Variants in RAI2 observed in about 807,000 individuals in gnomAD.
RAI2 encodes the protein retinoic acid-induced protein 2.
RAI2 carries 5 observed loss-of-function variants against 15.3 expected under a neutral mutation model. The observed-to-expected ratio is 0.33, with a 90% confidence interval of 0.17 to 0.69. RAI2 has a LOEUF of 0.69. Ranked by LOEUF, RAI2 falls within the 30% of genes least tolerant of loss-of-function variation. The pLI is 0.69. For synonymous variants in RAI2, 191 were observed against 184.0 expected, an observed-to-expected ratio of 1.04 and a Z score of -0.31; for missense variants, 424 against 424.7, an observed-to-expected ratio of 1.00 and a Z score of 0.01.
intron 1 of RAI2, 35 bp downstream of exon 1, chrX:17,861,063 G>A (rs1207180418): frequency 9.4e-6 from 1 of 106,671 alleles, no homozygotes. Context: ...GGGCGGGGGT[G>A]ACCCCGGCCC....
At chrX:17,808,001 G>A (rs182842899) in intron 1 of RAI2, among the ~76,000 whole-genome samples, 2 of 112,116 alleles carry the variant, frequency 1.8e-5, no homozygotes, top group East Asian at 2.8e-4. Context: ...TCCAACTGGC[G>A]GCCCAAGGGT....
chrX:17,821,263 TGTAGGTCTGTCGCTGGACTTTCCA>T (rs2067162059), intron 1 of RAI2, among the ~76,000 whole-genome samples: 1 of 111,723 alleles, frequency 9.0e-6, no homozygotes, highest in African/African-American at 3.3e-5. Flanking sequence ...CTCAACAACA[TGTAGGTCTGTCGCTGGACTTTCCA>T]GTCTATTTCA....
chrX:17,835,228 C>T (rs2067321403), intron 1 of RAI2, among the ~76,000 whole-genome samples: 1 of 112,265 alleles, frequency 8.9e-6, no homozygotes. Flanking sequence ...ACAGTGGATG[C>T]TTCTAATTCT....
chrX:17,846,563 C>A (rs1384765041), intron 1 of RAI2, among the ~76,000 whole-genome samples: 1 of 112,036 alleles, frequency 8.9e-6, no homozygotes, highest in Non-Finnish European at 1.9e-5. Flanking sequence ...GTTTTTGTCC[C>A]CAGAATGGCT....
In RAI2 at chrX:17,822,707, C is replaced by T. The variant is rs190668826; in HGVS notation, c.-24-20673G>A. On this transcript the variant is annotated intron_variant, in intron 1 of 1. Coordinates refer to ENST00000451717, the MANE Select transcript of RAI2 (RefSeq NM_021785.6). ...ATGGCTAGGCTTTTCTCAGTCTCTC[C>T]TTTTTCTTATGAGGACAATTCTAAA... Among the ~76,000 whole-genome samples the T allele has an allele frequency of 1.8e-3, 198 of 112,537 alleles. 1 individual carries two copies. The highest frequency in any genetic ancestry group is 5.9e-3 in the African/African-American group (184 of 30,989).
Position 17,844,051 on chromosome X carries a change from G to A in RAI2, c.-25+17047C>T, listed in dbSNP as rs563110371. 1.9e-4 allele frequency among the ~76,000 whole-genome samples: 21 copies of A among 111,990 alleles called. No individual in the cohort carries two copies. In the South Asian group the frequency reaches 7.2e-3, roughly 39 times the overall value. ...CAGCTTGGCGAGTATTCAATCACTCGGCACTCCACAGCCCAGGAGAACAAA... is the reference window on the plus strand; with the variant it reads ...CAGCTTGGCGAGTATTCAATCACTCAGCACTCCACAGCCCAGGAGAACAAA... On this transcript the variant is annotated intron_variant, in intron 1 of 1. Transcript: ENST00000451717.
intron 1 of RAI2, among the ~76,000 whole-genome samples, chrX:17,846,607 C>A (rs2067460998): frequency 8.9e-6 from 1 of 111,884 alleles, no homozygotes; most frequent in Non-Finnish European, 1.9e-5. Flanking sequence ...AATTTGTTTT[C>A]ATTGCATTTC....
intron 1 of RAI2, among the ~76,000 whole-genome samples, chrX:17,836,220 T>G (rs953724063): frequency 8.9e-6 from 1 of 111,741 alleles, no homozygotes; most frequent in Non-Finnish European, 1.9e-5. Flanking sequence ...TCTGCCCTCA[T>G]TGTAGCTTGA....
In RAI2 at chrX:17,854,519, C is replaced by T. The variant is rs148090329; in HGVS notation, c.-25+6579G>A. Among the ~76,000 whole-genome samples, 11 of 111,976 alleles carry T rather than the reference C, an allele frequency of 9.8e-5. No individual in the cohort carries two copies. The East Asian group carries it at 2.2e-3, about 23-fold the overall frequency. On this transcript the variant is annotated intron_variant, in intron 1 of 1. Coordinates refer to ENST00000451717, the MANE Select transcript of RAI2 (RefSeq NM_021785.6). ...GCCTGGAGCTTCCAGGCTTAAAGCA[C>T]GAAGGAAAGAATGGCTGACAGCTAC... is the stretch of plus-strand genomic sequence containing the variant.
At chrX:17,839,051 CATT>C (rs1173157905) in intron 1 of RAI2, among the ~76,000 whole-genome samples, 1 of 112,076 alleles carries the variant, frequency 8.9e-6, no homozygotes, top group Non-Finnish European at 1.9e-5. Context: ...TCATCATCAT[CATT>C]CCAGAAACAT....
chrX:17,821,105 G>A (rs1044206668), intron 1 of RAI2, among the ~76,000 whole-genome samples: 8 of 111,826 alleles, frequency 7.2e-5, no homozygotes, highest in African/African-American at 1.6e-4. Context: ...TTTTGGATCC[G>A]AAGTGTACCG....
At position 17,800,580 on chromosome X, in the gene RAI2, G is replaced by T; in HGVS notation, c.1431C>A (p.Gly477=). Residue 477 remains glycine (G), a synonymous_variant, in exon 2 of 2, where the codon GGC becomes GGA. Coordinates refer to ENST00000451717, the MANE Select transcript of RAI2 (RefSeq NM_021785.6). ...CTTCCCCTTGGCTGTTGATGTCATA[G>T]CCCTGAAGCACGGAGTCTTCTCTTT... ...SFKREDSVLQ[G]YDINSQGEES... 1 of 1,211,172 alleles carries T rather than the reference G, an allele frequency of 8.3e-7. No homozygotes were observed. The highest frequency in any genetic ancestry group is 1.1e-6 in the Non-Finnish European group (1 of 895,153).
At chrX:17,833,583 G>C (rs1315295691) in intron 1 of RAI2, among the ~76,000 whole-genome samples, 5 of 111,593 alleles carry the variant, frequency 4.5e-5, no homozygotes, top group African/African-American at 6.5e-5. Flanking sequence ...TTAGAAGTCA[G>C]AGTAGTGGTT....
rs1296151841 is a variant in RAI2, at chrX:17,802,016, A to G, written c.-6T>C. 2.5e-6 allele frequency: 3 copies of G among 1,185,119 alleles called. No homozygotes were observed. Among genetic ancestry groups the G allele is most frequent in the Admixed American group, 2.3e-5 (1 of 44,031 alleles). On this transcript the variant is annotated 5_prime_UTR_variant, in exon 2 of 2. Transcript: ENST00000451717. ...TGGGACTGCAGGTCGTCCATCACTCAGCTCTGATGCCACTTGGCCTGCAAC... is the reference window on the plus strand; with the variant it reads ...TGGGACTGCAGGTCGTCCATCACTCGGCTCTGATGCCACTTGGCCTGCAAC...
Position 17,812,473 on chromosome X carries a change from G to A in RAI2, c.-24-10439C>T, listed in dbSNP as rs147535914. On this transcript the variant is annotated intron_variant, in intron 1 of 1. Coordinates refer to ENST00000451717, the MANE Select transcript of RAI2 (RefSeq NM_021785.6). The stretch of plus-strand genomic sequence containing the variant: ...CCAATGTTAGAAATTAAATATAGTG[G>A]GAAGACAAATAAATACACAAATCTG... 3.3e-3 allele frequency among the ~76,000 whole-genome samples: 369 copies of A among 111,824 alleles called. 1 individual carries two copies. Among genetic ancestry groups the A allele is most frequent in the Non-Finnish European group, 2.4e-3 (127 of 53,221 alleles).
intron 1 of RAI2, among the ~76,000 whole-genome samples, chrX:17,813,175 CTGAGT>C (rs2067067781): frequency 9.0e-6 from 1 of 111,580 alleles, no homozygotes; most frequent in African/African-American, 3.3e-5. Context: ...TGTGGCTTGG[CTGAGT>C]TATCAGTCCC....
intron 1 of RAI2, among the ~76,000 whole-genome samples, chrX:17,811,144 G>T (rs751668286): frequency 8.9e-6 from 1 of 112,694 alleles, no homozygotes; most frequent in Admixed American, 9.4e-5. Context: ...ATTTTCTAGA[G>T]ATGGCTGCTC....
chrX:17,854,773 C>T (rs779743172), intron 1 of RAI2, among the ~76,000 whole-genome samples: 2 of 111,960 alleles, frequency 1.8e-5, no homozygotes, highest in East Asian at 2.8e-4. Flanking sequence ...AATTATTTTT[C>T]GCCAGAATGT....
intron 1 of RAI2, among the ~76,000 whole-genome samples, chrX:17,856,884 T>C (rs942482188): frequency 8.9e-6 from 1 of 111,927 alleles, no homozygotes; most frequent in African/African-American, 3.3e-5. Flanking sequence ...GTGTGTGTTC[T>C]TGGCAGGAGA....
Sources: allele counts gnomAD v4.1 joint callset (sites outside exome capture counted in the v4.1 genomes callset), GRCh38; gene constraint gnomAD v4.1.1; transcripts MANE v1.5; gene names NCBI Gene and HGNC (gene_info 2026-07-23, HGNC 2026-07-21).